The following FER1L6 variants were observed in gnomAD, a reference collection of about 807,000 sequenced individuals.
FER1L6 encodes the protein fer-1 like family member 6.
FER1L6 carries 177 observed loss-of-function variants against 219.2 expected under a neutral mutation model. That is an observed-to-expected ratio of 0.81 (90% confidence interval 0.71 to 0.91). The LOEUF is 0.91. FER1L6 is among the 40% of genes least tolerant of loss of function. The probability of loss-of-function intolerance (pLI) is 0.00; values close to 1 mark genes in which losing one functional copy is unlikely to be tolerated. For synonymous variants in FER1L6, 768 were observed against 824.3 expected, an observed-to-expected ratio of 0.93 and a Z score of 1.17; for missense variants, 2,153 against 2,259.9, an observed-to-expected ratio of 0.95 and a Z score of 0.96.
chr8:124,049,627 T>G lies in FER1L6; in HGVS notation c.2745T>G (p.Gly915=). ...SDAVGKPEYL[G]ATVAAPVVKL... is the part of the protein sequence containing the mutation. ...TTTAGGGGAAGCCAGAATATTTGGG[T>G]GCCACAGTGGCTGCTCCTGTTGTGA... Residue 915 remains glycine, a synonymous_variant, in exon 22 of 41, where the codon GGT becomes GGG. Transcript: ENST00000522917. The G allele has an allele frequency of 6.2e-7, 1 of 1,613,954 alleles. No homozygotes were observed.
At chr8:124,076,524 A>AATTT (rs1159573854) in intron 32 of FER1L6, among the ~76,000 whole-genome samples, 199 bp downstream of exon 32, 2 of 152,112 alleles carry the variant, frequency 1.3e-5, no homozygotes, top group Admixed American at 1.3e-4. Context: ...TCCCCTGAGG[A>AATTT]ATTTGGTGGT....
Position 123,950,522 on chromosome 8 carries a change from C to T in FER1L6, c.-7-5470C>T, listed in dbSNP as rs951596834. ...TAGGGATGGGCTTTACACAGTGTGG[C>T]TCTGAATTATTCCTGAGTCATTCTT... On this transcript the variant is annotated intron_variant, in intron 1 of 40. Transcript: ENST00000522917. Among the ~76,000 whole-genome samples the T allele has an allele frequency of 2.6e-5, 4 of 152,280 alleles. No homozygotes were observed. In the East Asian group the frequency reaches 7.7e-4, roughly 29 times the overall value.
intron 1 of FER1L6, among the ~76,000 whole-genome samples, chr8:123,907,319 G>A (rs1324313474): frequency 5.3e-5 from 8 of 152,150 alleles, no homozygotes; most frequent in Admixed American, 5.2e-4. Flanking sequence ...GGTACAGGGA[G>A]GGGCTATGAC....
intron 1 of FER1L6, among the ~76,000 whole-genome samples, chr8:123,939,956 G>A (rs1814165874): frequency 6.6e-6 from 1 of 152,130 alleles, no homozygotes; most frequent in South Asian, 2.1e-4. Context: ...CCAGAAATAG[G>A]ATTATTATGG....
At chr8:123,909,095 T>G (rs1473053376) in intron 1 of FER1L6, among the ~76,000 whole-genome samples, 7 of 152,174 alleles carry the variant, frequency 4.6e-5, no homozygotes, top group Non-Finnish European at 7.3e-5. Context: ...GCTGGAGATC[T>G]TCATAAACAT....
chr8:123,872,036 G>T (rs1377911245), intron 1 of FER1L6, among the ~76,000 whole-genome samples: 1 of 152,134 alleles, frequency 6.6e-6, no homozygotes, highest in Non-Finnish European at 1.5e-5. Flanking sequence ...TGCTTCTGGA[G>T]AGGCCTCAGG....
At chr8:124,119,020 A>C (rs1823369447) in intron 40 of FER1L6, 76 bp downstream of exon 40, 1 of 1,211,978 alleles carries the variant, frequency 8.3e-7, no homozygotes, top group Admixed American at 1.9e-5. Flanking sequence ...TGATAATGGC[A>C]TTTCTTTAGA....
chr8:124,078,099 C>CCTCT (rs1201096356), intron 32 of FER1L6, among the ~76,000 whole-genome samples: 3 of 152,146 alleles, frequency 2.0e-5, no homozygotes, highest in Non-Finnish European at 4.4e-5. Context: ...GGGACTTAGT[C>CCTCT]TAGTCTGGTT....
At chr8:123,879,779 G>A (rs1817074093) in intron 1 of FER1L6, among the ~76,000 whole-genome samples, 1 of 152,084 alleles carries the variant, frequency 6.6e-6, no homozygotes, top group South Asian at 2.1e-4. Context: ...TGGGAAAATG[G>A]AGGCTTAACC....
At chr8:123,977,345 A>T (rs1355871178) in intron 9 of FER1L6, 72 bp from the exon 10 acceptor site, 4 of 1,437,422 alleles carry the variant, frequency 2.8e-6, no homozygotes, top group Non-Finnish European at 2.9e-6. Flanking sequence ...TTATACTTCC[A>T]GCTGGCTTGA....
chr8:124,021,754 T>C, intron 17 of FER1L6, 85 bp downstream of exon 17: 1 of 1,508,372 alleles, frequency 6.6e-7, no homozygotes, highest in Non-Finnish European at 9.1e-7. Flanking sequence ...ACGGGTGAAA[T>C]ATGAATCAAT....
chr8:124,097,482 G>C (rs1822357844), intron 36 of FER1L6, 123 bp downstream of exon 36: 2 of 712,088 alleles, frequency 2.8e-6, no homozygotes, highest in Admixed American at 5.3e-5. Flanking sequence ...CACCCGGCCA[G>C]TTTTTCAGGA....
chr8:123,940,803 A>C (rs995192709), intron 1 of FER1L6, among the ~76,000 whole-genome samples: 1 of 152,188 alleles, frequency 6.6e-6, no homozygotes, highest in African/African-American at 2.4e-5. Flanking sequence ...TTGGCATTGA[A>C]TGCTTTAAGT....
At chr8:123,949,956 GA>G (rs1193784215) in intron 1 of FER1L6, among the ~76,000 whole-genome samples, 2 of 152,338 alleles carry the variant, frequency 1.3e-5, no homozygotes, top group East Asian at 3.9e-4. Flanking sequence ...GACAAAGGGA[GA>G]AAGAGCTGCT....
At chr8:124,070,903 C>G (rs116683148) in intron 30 of FER1L6, among the ~76,000 whole-genome samples, 1,598 of 152,302 alleles carry the variant, frequency 0.01, 26 homozygotes, top group African/African-American at 0.035. Context: ...TTTATGCAAG[C>G]CTACCAGTTG....
intron 1 of FER1L6, among the ~76,000 whole-genome samples, chr8:123,914,538 A>G (rs1813129791): frequency 6.6e-6 from 1 of 152,072 alleles, no homozygotes; most frequent in Non-Finnish European, 1.5e-5. Context: ...CCCAACCCCC[A>G]ATCCCCACAA....
At position 123,952,863 on chromosome 8, in the gene FER1L6, T is replaced by G. The variant is rs533620412; in HGVS notation, c.-7-3129T>G. Among the ~76,000 whole-genome samples, 18 of 152,344 alleles carry G rather than the reference T, an allele frequency of 1.2e-4. No homozygotes were observed. The South Asian group carries it at 2.1e-3, about 18-fold the overall frequency. ...ACTCACATTTCCTTGTTATGAATAT[T>G]GTGACACTTTGTAGCACGCTTTACA... On this transcript the variant is annotated intron_variant, in intron 1 of 40. Coordinates refer to ENST00000522917, the MANE Select transcript of FER1L6 (RefSeq NM_001039112.2).
chr8:123,907,827 C>A (rs78858226), intron 1 of FER1L6, among the ~76,000 whole-genome samples: 1,525 of 151,634 alleles, frequency 0.01, 19 homozygotes, highest in Middle Eastern at 0.021. Flanking sequence ...AGAAATAAGT[C>A]ACCAGTGTCT....
intron 37 of FER1L6, among the ~76,000 whole-genome samples, chr8:124,098,161 T>C (rs1338829632): frequency 1.3e-5 from 2 of 152,254 alleles, no homozygotes; most frequent in Non-Finnish European, 2.9e-5. Context: ...ATTTGTCAGA[T>C]ATCTACCTTT....
Sources: allele counts gnomAD v4.1 joint callset (sites outside exome capture counted in the v4.1 genomes callset), GRCh38; gene constraint gnomAD v4.1.1; transcripts MANE v1.5; gene names NCBI Gene and HGNC (gene_info 2026-07-23, HGNC 2026-07-21).